The following GRIN2B variants were observed in gnomAD, a reference collection of about 807,000 sequenced individuals.
GRIN2B encodes the protein glutamate receptor ionotropic, NMDA 2B.
Under a neutral mutation model 114.5 loss-of-function variants are expected in GRIN2B, and 5 were observed. That is an observed-to-expected ratio of 0.04 (90% CI 0.02 to 0.09). The LOEUF (loss-of-function observed/expected upper bound fraction) is 0.09. Among genes scored for constraint, GRIN2B ranks in the 10% least tolerant of loss-of-function variants. The probability of loss-of-function intolerance (pLI) is 1.00; values close to 1 mark genes in which losing one functional copy is unlikely to be tolerated. For missense variants in GRIN2B, 1,108 were observed against 1,943.5 expected (o/e 0.57, Z 8.08); for synonymous variants, 787 against 745.1 (o/e 1.06, Z -0.92).
intron 5 of GRIN2B, among the ~76,000 whole-genome samples, chr12:13,667,621 C>T (rs960785714): frequency 2.0e-5 from 3 of 152,044 alleles, no homozygotes; most frequent in African/African-American, 4.8e-5. Flanking sequence ...GTGTAATATT[C>T]GGCATTAAGT....
At chr12:13,903,563 G>A (rs951128807) in intron 2 of GRIN2B, among the ~76,000 whole-genome samples, 4 of 152,022 alleles carry the variant, frequency 2.6e-5, no homozygotes, top group African/African-American at 7.2e-5. Flanking sequence ...ACTTCGATCA[G>A]GAAGAACAAG....
intron 5 of GRIN2B, among the ~76,000 whole-genome samples, chr12:13,659,994 G>T (rs963539572): frequency 6.6e-6 from 1 of 152,144 alleles, no homozygotes; most frequent in Non-Finnish European, 1.5e-5. Flanking sequence ...GTATGGCAGC[G>T]GGCAGGCCCC....
intron 10 of GRIN2B, among the ~76,000 whole-genome samples, chr12:13,592,933 T>C (rs1009991668): frequency 6.6e-6 from 1 of 152,286 alleles, no homozygotes; most frequent in Middle Eastern, 3.4e-3. Flanking sequence ...TTTAAATACA[T>C]AAAAGCATGC....
At chr12:13,710,967 A>G (rs1408817799) in intron 4 of GRIN2B, among the ~76,000 whole-genome samples, 1 of 152,108 alleles carries the variant, frequency 6.6e-6, no homozygotes, top group African/African-American at 2.4e-5. Context: ...ATGCTACCTG[A>G]CTTCAAACTA....
At chr12:13,880,375 G>T (rs1265235780) in intron 2 of GRIN2B, among the ~76,000 whole-genome samples, 6 of 152,250 alleles carry the variant, frequency 3.9e-5, no homozygotes, top group African/African-American at 1.4e-4. Context: ...GAAAAGGCAA[G>T]CCAAGGAATT....
Position 13,615,062 on chromosome 12 carries a change from C to T in GRIN2B, c.1654+52G>A. On this transcript the variant is annotated intron_variant, in intron 8 of 13. Transcript: ENST00000609686. The surrounding 1 kb of genome is among the most constrained non-coding windows in gnomAD (Gnocchi z 5.8). ...CCATGTGCTCCTTTTTTCCTTATTT[C>T]ACTTCCCCATCCATACGTCCATTTC... is the stretch of plus-strand genomic sequence containing the variant. 2 of 1,522,614 alleles carry T rather than the reference C, an allele frequency of 1.3e-6. No individual in the cohort carries two copies. The highest frequency in any genetic ancestry group is 1.8e-6 in the Non-Finnish European group (2 of 1,096,784). The allele number at this position is 1,522,614 out of a possible 1,614,324, so 94.3% of individuals were successfully genotyped here.
intron 3 of GRIN2B, among the ~76,000 whole-genome samples, chr12:13,830,761 C>A (rs570234684): frequency 6.6e-6 from 1 of 152,332 alleles, no homozygotes; most frequent in East Asian, 1.9e-4. Context: ...ACATTTCTGC[C>A]TGAATATTCC....
chr12:13,751,790 T>C (rs1310142409), intron 4 of GRIN2B, among the ~76,000 whole-genome samples: 1 of 151,932 alleles, frequency 6.6e-6, no homozygotes, highest in Non-Finnish European at 1.5e-5. Flanking sequence ...CTTTGGAAAA[T>C]ATACAGACAT....
At chr12:13,971,131 G>A (rs778266372) in intron 2 of GRIN2B, among the ~76,000 whole-genome samples, 3 of 152,110 alleles carry the variant, frequency 2.0e-5, no homozygotes, top group East Asian at 1.9e-4. Context: ...AATTCAAATC[G>A]AGGAGTATGC....
At chr12:13,705,904 T>A (rs955093967) in intron 4 of GRIN2B, among the ~76,000 whole-genome samples, 2 of 152,214 alleles carry the variant, frequency 1.3e-5, no homozygotes, top group South Asian at 4.2e-4. Flanking sequence ...GGGTTGTTAT[T>A]AGTGAGGTAG....
At chr12:13,632,204 GC>G (rs1949620968) in intron 5 of GRIN2B, among the ~76,000 whole-genome samples, 2 of 152,204 alleles carry the variant, frequency 1.3e-5, no homozygotes, top group Admixed American at 1.3e-4. Context: ...AGTAAGTTAG[GC>G]TAACAGTTGG....
intron 2 of GRIN2B, among the ~76,000 whole-genome samples, chr12:13,967,437 C>A (rs1867807111): frequency 6.6e-6 from 1 of 152,228 alleles, no homozygotes; most frequent in African/African-American, 2.4e-5. Context: ...TTAAGCAAAG[C>A]AAGCTTTTAA....
At chr12:13,566,438 A>G (rs1948642172) in intron 13 of GRIN2B, among the ~76,000 whole-genome samples, 3 of 152,222 alleles carry the variant, frequency 2.0e-5, no homozygotes, top group Non-Finnish European at 4.4e-5. Flanking sequence ...CTAGGAATGA[A>G]GAGGAGACCT....
chr12:13,847,564 G>A (rs1313459104), intron 3 of GRIN2B, among the ~76,000 whole-genome samples: 2 of 152,174 alleles, frequency 1.3e-5, no homozygotes, highest in African/African-American at 4.8e-5. Flanking sequence ...GATGATGGCT[G>A]CGTGTACCAC....
chr12:13,691,188 A>T (rs1012790909), intron 4 of GRIN2B, among the ~76,000 whole-genome samples: 1 of 152,210 alleles, frequency 6.6e-6, no homozygotes, highest in South Asian at 2.1e-4. Flanking sequence ...AATAGTTGAT[A>T]TTCACACTAA....
Position 13,562,435 on chromosome 12 carries a change from A to T in GRIN2B, c.*348T>A, listed in dbSNP as rs1168153954. On this transcript the variant is annotated 3_prime_UTR_variant, in exon 14 of 14. Transcript: ENST00000609686. ...CTTTTTGGTTCTCCCAGCTTCACTCAAAGAGGATATCAAGGAGCTCTTCCA... is the reference window on the plus strand; with the variant it reads ...CTTTTTGGTTCTCCCAGCTTCACTCTAAGAGGATATCAAGGAGCTCTTCCA... 3 of 282,066 alleles carry T rather than the reference A, an allele frequency of 1.1e-5. No individual in the cohort carries two copies. Among genetic ancestry groups the T allele is most frequent in the African/African-American group, 4.3e-5 (2 of 46,168 alleles). 17.5% of individuals were successfully genotyped at this position (282,066 alleles called of 1,614,324 possible). A position where few individuals can be genotyped will look rare whatever the true frequency, so the allele number is the denominator to read the frequency against.
chr12:13,965,103 G>C (rs1187261907), intron 2 of GRIN2B, among the ~76,000 whole-genome samples: 1 of 152,166 alleles, frequency 6.6e-6, no homozygotes, highest in Non-Finnish European at 1.5e-5. Context: ...GGATAAGCCA[G>C]ATCTTAAACT....
At chr12:13,842,992 G>GT (rs530108457) in intron 3 of GRIN2B, among the ~76,000 whole-genome samples, 4,557 of 58,762 alleles carry the variant, frequency 0.078, 269 homozygotes, top group African/African-American at 0.23. Context: ...GCGGTGTTTT[G>GT]TTTTTTTTTA....
chr12:13,659,993 C>T (rs909005293), intron 5 of GRIN2B, among the ~76,000 whole-genome samples: 3 of 152,116 alleles, frequency 2.0e-5, no homozygotes, highest in Non-Finnish European at 2.9e-5. Context: ...TGTATGGCAG[C>T]GGGCAGGCCC....
Sources: allele counts gnomAD v4.1 joint callset (sites outside exome capture counted in the v4.1 genomes callset), GRCh38; gene constraint gnomAD v4.1.1; non-coding constraint Gnocchi (gnomAD v3.1); transcripts MANE v1.5; gene names NCBI Gene and HGNC (gene_info 2026-07-23, HGNC 2026-07-21).